The following XCR1 variants were observed in gnomAD, a reference collection of about 807,000 sequenced individuals.
XCR1 encodes the protein X-C motif chemokine receptor 1.
For missense variants in XCR1, 356 were observed against 424.2 expected (o/e 0.84, Z 1.41); for synonymous variants, 187 against 188.5 (o/e 0.99, Z 0.06).
upstream of XCR1, among the ~76,000 whole-genome samples, chr3:46,030,366 T>A (rs1559482147): frequency 1.3e-5 from 2 of 152,252 alleles, no homozygotes; most frequent in Non-Finnish European, 2.9e-5. Flanking sequence ...AGTGTTTTTA[T>A]CATGAAATGA....
At chr3:46,066,680 C>T (rs974971311) in intron 4 of XCR1, among the ~76,000 whole-genome samples, 1 of 152,162 alleles carries the variant, frequency 6.6e-6, no homozygotes, top group Non-Finnish European at 1.5e-5. Flanking sequence ...GCATTTGTAA[C>T]AAGTGTCTAA....
At chr3:46,043,232 G>A (rs1697566444) in intron 5 of XCR1, among the ~76,000 whole-genome samples, 1 of 152,134 alleles carries the variant, frequency 6.6e-6, no homozygotes, top group Non-Finnish European at 1.5e-5. Flanking sequence ...CCTGAGGTCA[G>A]GAGTTTAAGA....
At chr3:46,061,780 C>T (rs1697967990) in intron 4 of XCR1, among the ~76,000 whole-genome samples, 1 of 152,092 alleles carries the variant, frequency 6.6e-6, no homozygotes, top group African/African-American at 2.4e-5. Context: ...ATGGGGGTGC[C>T]AGGCCTGGGC....
At chr3:46,066,961 A>C (rs1425001223) in exon 4 of XCR1, among the ~76,000 whole-genome samples, 1 of 151,026 alleles carries the variant, frequency 6.6e-6, no homozygotes, top group Non-Finnish European at 1.5e-5. Flanking sequence ...ACAGTAGTGC[A>C]ATGAGGAAGC....
chr3:46,068,685 T>C (rs1698116367), intron 3 of XCR1, among the ~76,000 whole-genome samples: 1 of 151,924 alleles, frequency 6.6e-6, no homozygotes, highest in South Asian at 2.1e-4. Context: ...TTCCTTTTCC[T>C]GTTTCTTGTT....
Position 46,024,059 on chromosome 3 carries a change from T to C in XCR1, c.-31-2081A>G, listed in dbSNP as rs1708235862. 4 of 1,044,524 alleles carry C rather than the reference T, an allele frequency of 3.8e-6. No homozygotes were observed. The Admixed American group carries it at 6.9e-5, about 18-fold the overall frequency. The allele number at this position is 1,044,524 out of a possible 1,614,324, so 64.7% of individuals were successfully genotyped here. ...GCAAATGCCGGGAAAGCCAAGGACA[T>C]TCCAATCCCCAGTCTTCCTCCCTTG... On this transcript the variant is annotated intron_variant, in intron 1 of 1. Coordinates refer to ENST00000309285, the MANE Select transcript of XCR1 (RefSeq NM_001024644.2).
chr3:46,023,985 G>A (rs1203430876), intron 1 of XCR1: 24 of 1,438,320 alleles, frequency 1.7e-5, no homozygotes, highest in Admixed American at 8.7e-5. Flanking sequence ...GGAGCTTGCC[G>A]CCACATTCAG....
At chr3:46,058,855 A>T (rs1427338348) in intron 4 of XCR1, among the ~76,000 whole-genome samples, 2 of 152,186 alleles carry the variant, frequency 1.3e-5, no homozygotes, top group African/African-American at 2.4e-5. Context: ...GTGAGCCATG[A>T]TGACCGGCCA....
intron 4 of XCR1, among the ~76,000 whole-genome samples, chr3:46,054,158 G>C (rs1395284612): frequency 6.6e-6 from 1 of 152,186 alleles, no homozygotes; most frequent in Non-Finnish European, 1.5e-5. Flanking sequence ...CTTGCCTCTA[G>C]TGGACAAGGG....
intron 4 of XCR1, among the ~76,000 whole-genome samples, chr3:46,058,719 A>T (rs1238366998): frequency 6.6e-6 from 1 of 152,090 alleles, no homozygotes; most frequent in Admixed American, 6.5e-5. Context: ...GGGTGCCACC[A>T]TGCCCAGCTA....
At chr3:46,056,233 G>T (rs1376551229) in intron 4 of XCR1, among the ~76,000 whole-genome samples, 1 of 152,102 alleles carries the variant, frequency 6.6e-6, no homozygotes, top group African/African-American at 2.4e-5. Context: ...AGTAGAGATG[G>T]GGTTTCACCA....
Position 46,019,309 on chromosome 3 carries a change from C to T in XCR1, c.*1637G>A, listed in dbSNP as rs1170537341. Reference sequence around the variant, plus strand: ...GCATAAATCTGAAGGATAATAACAGCTGTTGATTCTTTGCTCCCACTGAGC... The same window carrying T: ...GCATAAATCTGAAGGATAATAACAGTTGTTGATTCTTTGCTCCCACTGAGC... On this transcript the variant is annotated 3_prime_UTR_variant, in exon 2 of 2. Transcript: ENST00000309285. 6.6e-6 allele frequency: 1 copy of T among 152,186 alleles called. No homozygotes were observed. Among genetic ancestry groups the T allele is most frequent in the Non-Finnish European group, 1.5e-5 (1 of 68,040 alleles). The allele number at this position is 152,186 out of a possible 1,614,324, so 9.4% of individuals were successfully genotyped here.
intron 5 of XCR1, among the ~76,000 whole-genome samples, chr3:46,036,675 G>C (rs1336350928): frequency 6.6e-6 from 1 of 152,044 alleles, no homozygotes; most frequent in East Asian, 1.9e-4. Flanking sequence ...GAGGTATCAG[G>C]GTTTGGCACA....
chr3:46,035,823 T>C (rs1697421035), intron 5 of XCR1, among the ~76,000 whole-genome samples: 1 of 152,152 alleles, frequency 6.6e-6, no homozygotes, highest in African/African-American at 2.4e-5. Flanking sequence ...ACGGACACTC[T>C]TGGGGGCTTG....
At chr3:46,034,365 T>G (rs1378862269) in intron 5 of XCR1, among the ~76,000 whole-genome samples, 1 of 152,220 alleles carries the variant, frequency 6.6e-6, no homozygotes, top group African/African-American at 2.4e-5. Flanking sequence ...TTGTGCATTC[T>G]TTGAGATTTT....
upstream of XCR1, among the ~76,000 whole-genome samples, chr3:46,030,337 C>A (rs1708373608): frequency 6.6e-6 from 1 of 152,066 alleles, no homozygotes. Context: ...GGAAATTCCC[C>A]TCTATTTCTA....
rs146049641 is a variant in XCR1, at chr3:46,083,602, A to C, written c.-515+2192T>G. On this transcript the variant is annotated intron_variant, in intron 1 of 5. Coordinates refer to the XCR1 transcript ENST00000683768. ...TTGTTGGATGTAACTTCCCATGAAC[A>C]CATGATCTAAAATCCTTCTAAAACC... Among the ~76,000 whole-genome samples the C allele has an allele frequency of 1.4e-3, 209 of 152,314 alleles. 1 individual carries two copies. The highest frequency in any genetic ancestry group is 0.01 in the Middle Eastern group (3 of 294).
At chr3:46,032,935 A>C (rs931231554) in intron 5 of XCR1, among the ~76,000 whole-genome samples, 1 of 152,112 alleles carries the variant, frequency 6.6e-6, no homozygotes, top group African/African-American at 2.4e-5. Context: ...TCTGTGGTGA[A>C]GTGTCTGTTT....
At chr3:46,061,179 A>G (rs1697955090) in intron 4 of XCR1, among the ~76,000 whole-genome samples, 1 of 152,208 alleles carries the variant, frequency 6.6e-6, no homozygotes, top group Non-Finnish European at 1.5e-5. Flanking sequence ...AGTAAGAACA[A>G]AACACTGCCT....
Sources: allele counts gnomAD v4.1 joint callset (sites outside exome capture counted in the v4.1 genomes callset), GRCh38; gene constraint gnomAD v4.1.1; transcripts MANE v1.5; gene names NCBI Gene and HGNC (gene_info 2026-07-23, HGNC 2026-07-21).